The following SMCO4 variants were observed in gnomAD, a reference collection of about 807,000 sequenced individuals.
SMCO4 encodes single-pass membrane and coiled-coil domain-containing protein 4.
Under a neutral mutation model 3.6 loss-of-function variants are expected in SMCO4, and 4 were observed. That is an observed-to-expected ratio of 1.11 (90% CI 0.54 to 2.53). SMCO4 has a LOEUF of 2.53. Ranked by LOEUF, SMCO4 falls within the 30% of genes most tolerant of loss-of-function variation. The pLI, the probability that SMCO4 is intolerant of heterozygous loss-of-function variation, is 0.02. For missense variants in SMCO4, 70 were observed against 80.8 expected (o/e 0.87, Z 0.51); for synonymous variants, 36 against 35.3 (o/e 1.02, Z -0.07).
At chr11:93,489,855 T>C (rs1948693632) in intron 2 of SMCO4, among the ~76,000 whole-genome samples, 1 of 149,598 alleles carries the variant, frequency 6.7e-6, no homozygotes, top group African/African-American at 2.5e-5. Context: ...GACTCTCAAC[T>C]CTGTTCTTTC....
At chr11:93,521,808 G>C (rs552623669) in intron 1 of SMCO4, among the ~76,000 whole-genome samples, 2 of 152,300 alleles carry the variant, frequency 1.3e-5, no homozygotes, top group Non-Finnish European at 2.9e-5. Flanking sequence ...GAACATAAAA[G>C]AGAGAACATC....
At chr11:93,534,207 T>C (rs867796463) in intron 1 of SMCO4, among the ~76,000 whole-genome samples, 1 of 84,798 alleles carries the variant, frequency 1.2e-5, no homozygotes, top group African/African-American at 5.1e-5. Context: ...AAAAAAAAAA[T>C]ATATATATAC....
chr11:93,499,378 T>C (rs563079851), intron 1 of SMCO4, 30 bp from the exon 2 acceptor site: 18 of 152,320 alleles, frequency 1.2e-4, no homozygotes, highest in African/African-American at 4.3e-4. Flanking sequence ...AAGGGTATAA[T>C]AGCTGCTGGG....
intron 1 of SMCO4, among the ~76,000 whole-genome samples, chr11:93,536,943 T>C (rs975988572): frequency 6.6e-6 from 1 of 152,190 alleles, no homozygotes; most frequent in Non-Finnish European, 1.5e-5. Context: ...GCAGTACTGA[T>C]GACAGACTGA....
the SMCO4 span, among the ~76,000 whole-genome samples, chr11:93,552,195 C>T: frequency 8.6e-5 from 11 of 128,334 alleles, no homozygotes; most frequent in Admixed American, 3.7e-4. Context: ...TTCACTCTGT[C>T]GCTCAGGCTG....
At chr11:93,500,861 G>C (rs1565378673) in intron 1 of SMCO4, among the ~76,000 whole-genome samples, 1 of 152,206 alleles carries the variant, frequency 6.6e-6, no homozygotes, top group Non-Finnish European at 1.5e-5. Flanking sequence ...TGGCTCAGTA[G>C]CTGCAGCAAA....
intron 2 of SMCO4, among the ~76,000 whole-genome samples, chr11:93,496,850 T>C (rs899298182): frequency 2.6e-5 from 4 of 152,222 alleles, no homozygotes; most frequent in African/African-American, 9.6e-5. Flanking sequence ...TGCAGATTTC[T>C]CGATACTGAT....
At chr11:93,550,327 G>T in the SMCO4 span, among the ~76,000 whole-genome samples, 1 of 151,992 alleles carries the variant, frequency 6.6e-6, no homozygotes, top group African/African-American at 2.4e-5. Flanking sequence ...GAGAAAGTAA[G>T]ACCACACTAA....
intron 1 of SMCO4, among the ~76,000 whole-genome samples, chr11:93,503,270 G>A (rs565769788): frequency 3.9e-4 from 60 of 152,318 alleles, no homozygotes; most frequent in Admixed American, 3.9e-3. Flanking sequence ...TTACACGGTG[G>A]CAGACAAGAG....
intron 1 of SMCO4, among the ~76,000 whole-genome samples, chr11:93,500,143 G>A (rs538288428): frequency 6.6e-5 from 10 of 152,318 alleles, no homozygotes; most frequent in Non-Finnish European, 1.0e-4. Context: ...TTGGTTTACC[G>A]TGCTTTTTGT....
chr11:93,514,404 ATATATATATATATATAT>A (rs1565383042), intron 1 of SMCO4, among the ~76,000 whole-genome samples: 2,271 of 55,564 alleles, frequency 0.041, 87 homozygotes, highest in South Asian at 0.095. Flanking sequence ...ATATATATAT[ATATATATATATATATAT>A]AAAATTTGGT....
chr11:93,540,456 G>C (rs898320211), intron 1 of SMCO4, among the ~76,000 whole-genome samples: 1 of 152,210 alleles, frequency 6.6e-6, no homozygotes, highest in Non-Finnish European at 1.5e-5. Flanking sequence ...ACTGCTTCCA[G>C]AGTCTACAAG....
intron 1 of SMCO4, among the ~76,000 whole-genome samples, chr11:93,521,019 G>A (rs919144822): frequency 6.6e-6 from 1 of 152,190 alleles, no homozygotes; most frequent in Non-Finnish European, 1.5e-5. Flanking sequence ...TCAGTTTTAG[G>A]AAACTGTTGT....
intron 1 of SMCO4, among the ~76,000 whole-genome samples, chr11:93,534,636 G>A (rs2134636139): frequency 6.6e-6 from 1 of 152,290 alleles, no homozygotes; most frequent in Admixed American, 6.5e-5. Context: ...GGTCCAGTGT[G>A]GCTCAACTCT....
At chr11:93,542,257 C>T (rs1949276809) in intron 1 of SMCO4, among the ~76,000 whole-genome samples, 1 of 152,218 alleles carries the variant, frequency 6.6e-6, no homozygotes, top group Admixed American at 6.5e-5. Flanking sequence ...GTCTTCCACC[C>T]TTGCCACCCT....
At chr11:93,541,704 T>A (rs1315444355) in intron 1 of SMCO4, among the ~76,000 whole-genome samples, 7 of 152,250 alleles carry the variant, frequency 4.6e-5, no homozygotes, top group African/African-American at 1.7e-4. Flanking sequence ...AAGAACAGTA[T>A]TCATGTTGTA....
chr11:93,523,033 G>C (rs1466595973), intron 1 of SMCO4, among the ~76,000 whole-genome samples: 1 of 152,170 alleles, frequency 6.6e-6, no homozygotes, highest in African/African-American at 2.4e-5. Context: ...AGGTCACTTT[G>C]CTGGTTCCTC....
intron 1 of SMCO4, among the ~76,000 whole-genome samples, chr11:93,524,810 T>A (rs1949090689): frequency 1.3e-5 from 2 of 151,990 alleles, no homozygotes; most frequent in Non-Finnish European, 2.9e-5. Context: ...AACTCACAGA[T>A]CTCGCCTGCT....
chr11:93,516,595 G>C (rs1204364154), intron 1 of SMCO4, among the ~76,000 whole-genome samples: 1 of 152,140 alleles, frequency 6.6e-6, no homozygotes, highest in Non-Finnish European at 1.5e-5. Flanking sequence ...TTCGAGACCA[G>C]CCTAGCCAAC....
Sources: gnomAD v4.1 joint callset for allele counts (sites outside exome capture counted in the v4.1 genomes callset) on GRCh38, gnomAD v4.1.1 for gene constraint, MANE v1.5 for transcripts, NCBI Gene and HGNC (gene_info 2026-07-23, HGNC 2026-07-21) for gene names.